KIF21B: variants seen among roughly 807,000 people sequenced by gnomAD.
KIF21B encodes kinesin family member 21B.
Under a neutral mutation model 192.9 loss-of-function variants are expected in KIF21B, and 85 were observed. The observed-to-expected ratio is 0.44, with a 90% CI of 0.37 to 0.53. The LOEUF (loss-of-function observed/expected upper bound fraction) is 0.53, where lower values mean the gene tolerates loss of function less well. KIF21B is among the 20% of genes least tolerant of loss of function. The pLI, the probability that KIF21B is intolerant of heterozygous loss-of-function variation, is 0.00. For missense variants in KIF21B, 1,716 were observed against 2,194.8 expected (o/e 0.78, Z 4.36); for synonymous variants, 832 against 884.6 (o/e 0.94, Z 1.05).
Position 201,023,640 on chromosome 1 carries a change from AC to A in KIF21B, c.-258del, listed in dbSNP as rs1184266125. 1.4e-5 allele frequency: 2 copies of A among 146,948 alleles called. No individual in the cohort carries two copies. Among genetic ancestry groups the A allele is most frequent in the Non-Finnish European group, 3.0e-5 (2 of 66,334 alleles). 9.1% of individuals were successfully genotyped at this position (146,948 alleles called of 1,614,324 possible). ...GAGCTAGCTGACAGCCGGCGGCGCGACCCGCCGCTCCCTACGGCGCGGCACA... is the reference window on the plus strand; with the variant it reads ...GAGCTAGCTGACAGCCGGCGGCGCGACCGCCGCTCCCTACGGCGCGGCACA... On this transcript the variant is annotated 5_prime_UTR_variant, in exon 1 of 35. Coordinates refer to ENST00000461742, the MANE Select transcript of KIF21B (RefSeq NM_001252102.2). This position sits in a 1 kb window ranked among gnomAD's most constrained non-coding sequence, Gnocchi z 5.9.
At chr1:200,983,956 A>G (rs546189351) in intron 27 of KIF21B, among the ~76,000 whole-genome samples, 10 of 152,230 alleles carry the variant, frequency 6.6e-5, no homozygotes, top group African/African-American at 2.4e-4. Context: ...AAGGACAAGT[A>G]TTTTCTAGTG....
Position 200,990,330 on chromosome 1 carries a change from T to C in KIF21B, c.2838A>G (p.Lys946=). Residue 946 remains lysine (K), a splice_region_variant and synonymous_variant, in exon 20 of 35, where the codon AAA becomes AAG. Transcript: ENST00000461742. The surrounding 1 kb of genome is among the most constrained non-coding windows in gnomAD (Gnocchi z 5.4). ...CCTGCAGGAGGAACAGCTCCTCCCT[T>C]TTCTGGGGTCAGAGGGGAGGGTGGT... ...LEADMERLIK[K]REELFLLQEA... The C allele has an allele frequency of 2.5e-6, 4 of 1,607,016 alleles. No homozygotes were observed. The highest frequency in any genetic ancestry group is 3.4e-6 in the Non-Finnish European group (4 of 1,177,090).
At chr1:201,018,028 C>A (rs1211873809) in intron 1 of KIF21B, among the ~76,000 whole-genome samples, 1 of 152,118 alleles carries the variant, frequency 6.6e-6, no homozygotes, top group African/African-American at 2.4e-5. Context: ...AGGGAAGCAA[C>A]CTCTGACCCC....
In KIF21B at chr1:200,991,751, C is replaced by T. The variant is rs530862115; in HGVS notation, c.2386-26G>A. 6 of 1,612,046 alleles carry T rather than the reference C, an allele frequency of 3.7e-6. No homozygotes were observed. In the African/African-American group the frequency reaches 4.0e-5, roughly 11 times the overall value. ...CTGTGGGAGACAGAAGAGGGCTGGG[C>T]TCCACACTCAGGCACCTTAGCCCTC... On this transcript the variant is annotated intron_variant, in intron 16 of 34. Transcript: ENST00000461742.
At chr1:200,997,893 C>T (rs564691268) in intron 14 of KIF21B, among the ~76,000 whole-genome samples, 158 of 152,258 alleles carry the variant, frequency 1.0e-3, no homozygotes, top group African/African-American at 3.5e-3. Flanking sequence ...GTATGCTGCA[C>T]GAGAGCAGGG....
At chr1:201,005,014 G>C in intron 5 of KIF21B, 81 bp from the exon 6 acceptor site, 2 of 1,476,826 alleles carry the variant, frequency 1.4e-6, no homozygotes, top group Non-Finnish European at 1.9e-6. Flanking sequence ...CCATCCGGGA[G>C]AGGCACGGTG....
In KIF21B at chr1:201,019,019, C is replaced by G. The variant is rs766432116; in HGVS notation, c.41+4324G>C. Among the ~76,000 whole-genome samples the G allele has an allele frequency of 2.3e-4, 35 of 152,316 alleles. No homozygotes were observed. The Middle Eastern group carries it at 0.01, about 44-fold the overall frequency. On this transcript the variant is annotated intron_variant, in intron 1 of 34. Transcript: ENST00000461742. ...GTGCGATCTCAGCTCACTGCAACCT[C>G]CGCCTCCCAGGTTCAAGTGATTCTC...
intron 30 of KIF21B, among the ~76,000 whole-genome samples, chr1:200,978,902 C>A (rs1655736210): frequency 6.6e-6 from 1 of 152,130 alleles, no homozygotes; most frequent in African/African-American, 2.4e-5. Flanking sequence ...GTTGCCCAGG[C>A]TGGTCTTGAA....
chr1:200,986,840 T>G lies in KIF21B; in HGVS notation c.3689+4A>C. 1 of 1,610,114 alleles carries G rather than the reference T, an allele frequency of 6.2e-7. No homozygotes were observed. The highest frequency in any genetic ancestry group is 8.5e-7 in the Non-Finnish European group (1 of 1,177,758). ...CTGGAGCAGATTCTAGAACATGATC[T>G]CACCTAATGGGCTGCCCTCGGTCGT... On this transcript the variant is annotated splice_donor_region_variant and intron_variant, in intron 26 of 34. Coordinates refer to ENST00000461742, the MANE Select transcript of KIF21B (RefSeq NM_001252102.2).
At chr1:200,978,842 A>G (rs981167839) in intron 30 of KIF21B, among the ~76,000 whole-genome samples, 15 of 152,214 alleles carry the variant, frequency 9.9e-5, no homozygotes, top group Non-Finnish European at 2.1e-4. Flanking sequence ...ATGCACCACC[A>G]TGCTCAGCTA....
rs748120929 is a variant in KIF21B, at chr1:200,999,843, G to A, written c.1767+40C>T. ...CCCGCCAACCCCAGCAGGGACACAA[G>A]GCATGCATGTGGTGAGGTGGGGCGG... On this transcript the variant is annotated intron_variant, in intron 12 of 34. Transcript: ENST00000461742. The surrounding 1 kb of genome is among the most constrained non-coding windows in gnomAD (Gnocchi z 4.7). The A allele has an allele frequency of 1.2e-6, 2 of 1,604,576 alleles. No individual in the cohort carries two copies.
chr1:200,981,039 A>G lies in KIF21B; in HGVS notation c.3900T>C (p.Cys1300=). 1.2e-6 allele frequency: 2 copies of G among 1,610,156 alleles called. No individual in the cohort carries two copies. The highest frequency in any genetic ancestry group is 1.7e-6 in the Non-Finnish European group (2 of 1,178,514). ...AKGARTAPLQ[C]VSMAEGHTKP... Reference sequence around the variant, plus strand: ...TGGTGTGGCCTTCGGCCATGGAGACACACTGCAGTGGGGCCGTCCGTGCAC... The same window carrying G: ...TGGTGTGGCCTTCGGCCATGGAGACGCACTGCAGTGGGGCCGTCCGTGCAC... Residue 1300 remains cysteine, a synonymous_variant, in exon 29 of 35, where the codon TGT becomes TGC. Coordinates refer to ENST00000461742, the MANE Select transcript of KIF21B (RefSeq NM_001252102.2).
At chr1:201,001,953 T>C (rs1657522380) in intron 9 of KIF21B, 3 of 592,402 alleles carry the variant, frequency 5.1e-6, no homozygotes, top group Non-Finnish European at 6.0e-6. Context: ...TAGTGATGTA[T>C]TGTTTGCATG....
chr1:200,980,304 G>A (rs576007608), intron 29 of KIF21B, among the ~76,000 whole-genome samples: 1 of 152,212 alleles, frequency 6.6e-6, no homozygotes. Flanking sequence ...GCCCAGGCTG[G>A]AGTGTAATTG....
intron 6 of KIF21B, 120 bp from the exon 7 acceptor site, chr1:201,004,575 T>C: frequency 2.6e-6 from 3 of 1,136,260 alleles, no homozygotes; most frequent in Non-Finnish European, 2.6e-6. Context: ...TCTTGCTCCT[T>C]GGGTGGGTTT....
In KIF21B at chr1:201,022,257, G is replaced by A. The variant is rs139357431; in HGVS notation, c.41+1086C>T. The stretch of plus-strand genomic sequence containing the variant: ...ACCTCCTAGGACCCCTGGAATCTGG[G>A]TCACATATGACCCAAGGGATCTAGA... On this transcript the variant is annotated intron_variant, in intron 1 of 34. Transcript: ENST00000461742. Among the ~76,000 whole-genome samples the A allele has an allele frequency of 5.8e-3, 883 of 152,288 alleles. 4 individuals are homozygous for A. The highest frequency in any genetic ancestry group is 0.011 in the Admixed American group (173 of 15,312).
At position 200,988,556 on chromosome 1, in the gene KIF21B, C is replaced by T. The variant is rs768611568; in HGVS notation, c.3299-12G>A. 1.1e-4 allele frequency: 32 copies of T among 282,710 alleles called. No individual in the cohort carries two copies. The highest frequency in any genetic ancestry group is 1.7e-4 in the Non-Finnish European group (26 of 153,368). 17.5% of individuals were successfully genotyped at this position (282,710 alleles called of 1,614,324 possible). ...GGCGTAGCCATTCTCTGTGGGAGGG[C>T]GGGAGGGAGGGAAAGGGGTTGAGAA... On this transcript the variant is annotated splice_polypyrimidine_tract_variant and intron_variant, in intron 22 of 34. Transcript: ENST00000461742.
chr1:200,988,321 G>A lies in KIF21B; in HGVS notation c.3383C>T (p.Thr1128Ile). The A allele has an allele frequency of 6.2e-7, 1 of 1,614,140 alleles. No homozygotes were observed. The highest frequency in any genetic ancestry group is 8.5e-7 in the Non-Finnish European group (1 of 1,180,018). Reference protein sequence around the residue: ...FSQSFTMKGSTSHDDFKFKSE... With the variant: ...FSQSFTMKGSISHDDFKFKSE... ...CTTGAACTTGAAATCGTCATGGCTG[G>A]TGGAGCCTTTCATGGTGAATGACTG... Residue 1128 changes from threonine (T) to isoleucine (I), a missense_variant, in exon 24 of 35, where the codon ACC (threonine) becomes ATC (isoleucine). Thr to Ile is a moderately conservative substitution (Grantham distance 89). Around this residue, in one of 3 missense-constraint regions of KIF21B, gnomAD observed 580 missense variants for 775.5 expected, o/e 0.75. Coordinates refer to ENST00000461742, the MANE Select transcript of KIF21B (RefSeq NM_001252102.2).
rs1558017022 is a variant in KIF21B at position 201,000,552 on chromosome 1, C to T, written c.1523G>A (p.Arg508Gln). The T allele has an allele frequency of 6.2e-7, 1 of 1,613,220 alleles. No homozygotes were observed. The highest frequency in any genetic ancestry group is 1.1e-5 in the South Asian group (1 of 91,088). Residue 508 changes from arginine (R) to glutamine (Q), a missense_variant, in exon 11 of 35, where the codon CGG becomes CAG. By Grantham distance (43) the Arg-to-Gln change is conservative. Around this residue, in one of 3 missense-constraint regions of KIF21B, gnomAD observed 1,087 missense variants for 1,316.6 expected, o/e 0.83. Transcript: ENST00000461742. This position sits in a 1 kb window ranked among gnomAD's most constrained non-coding sequence, Gnocchi z 6.0. ...GGAGTAGGGGCTCCTAGCCGAGGCC[C>T]GTGAGAGGCTGCGGCGCAGGGACTC... ...MNESLRRSLS[R>Q]ASARSPYSLG...
Sources: allele counts gnomAD v4.1 joint callset (sites outside exome capture counted in the v4.1 genomes callset), GRCh38; gene constraint gnomAD v4.1.1; regional missense constraint gnomAD v4.1.1; non-coding constraint Gnocchi (gnomAD v3.1); transcripts MANE v1.5; gene names NCBI Gene and HGNC (gene_info 2026-07-23, HGNC 2026-07-21).